DNAJC3: variants seen among roughly 807,000 people sequenced by gnomAD.
DNAJC3 encodes dnaJ homolog subfamily C member 3.
A neutral mutation model predicts 68.6 loss-of-function variants in DNAJC3; 38 were observed. That is an observed-to-expected ratio of 0.55 (90% CI 0.43 to 0.73). DNAJC3 has a LOEUF of 0.73. Among genes scored for constraint, DNAJC3 ranks in the 30% least tolerant of loss-of-function variants. The pLI is 0.00. For synonymous variants in DNAJC3, 203 were observed against 204.0 expected, an observed-to-expected ratio of 1.00 and a Z score of 0.04; for missense variants, 526 against 591.9, an observed-to-expected ratio of 0.89 and a Z score of 1.16.
chr13:95,787,239 G>A, intron 11 of DNAJC3, 84 bp downstream of exon 11: 5 of 1,516,138 alleles, frequency 3.3e-6, no homozygotes, highest in Non-Finnish European at 4.4e-6. Flanking sequence ...TCTCCACGTG[G>A]GGCTGTATAG....
Position 95,746,077 on chromosome 13 carries a change from G to A in DNAJC3, c.394-11567G>A, listed in dbSNP as rs141580610. Among the ~76,000 whole-genome samples the A allele has an allele frequency of 4.6e-5, 7 of 152,302 alleles. No individual in the cohort carries two copies. The South Asian group carries it at 8.3e-4, about 18-fold the overall frequency. The stretch of plus-strand genomic sequence containing the variant: ...GATTACACCAGTAGTTGGCAAGTAG[G>A]TTTTAGATTCCAGGGCCTGCACTCT... On this transcript the variant is annotated intron_variant, in intron 4 of 11. Coordinates refer to ENST00000602402, the MANE Select transcript of DNAJC3 (RefSeq NM_006260.5).
intron 9 of DNAJC3, among the ~76,000 whole-genome samples, chr13:95,784,479 T>C (rs904809662): frequency 1.3e-5 from 2 of 152,186 alleles, no homozygotes; most frequent in African/African-American, 4.8e-5. Flanking sequence ...AATTCTACAA[T>C]GTGTGAAATG....
chr13:95,766,411 GA>G (rs1389867616), intron 9 of DNAJC3, among the ~76,000 whole-genome samples: 4 of 152,068 alleles, frequency 2.6e-5, no homozygotes, highest in African/African-American at 9.7e-5. Context: ...CTTTTGAGAG[GA>G]AAAAACTGAC....
intron 2 of DNAJC3, among the ~76,000 whole-genome samples, chr13:95,714,636 G>A (rs1224801716): frequency 6.6e-6 from 1 of 152,140 alleles, no homozygotes; most frequent in Non-Finnish European, 1.5e-5. Flanking sequence ...TTCATTAAGG[G>A]CTGTTTACTG....
intron 9 of DNAJC3, among the ~76,000 whole-genome samples, chr13:95,764,702 AT>A (rs1882935487): frequency 2.2e-5 from 3 of 135,782 alleles, no homozygotes; most frequent in African/African-American, 8.8e-5. Flanking sequence ...ACACATATAT[AT>A]ATACATATAT....
chr13:95,704,851 G>GTGTTTTTTTTTTTTTTTTT (rs1555323371), intron 1 of DNAJC3, among the ~76,000 whole-genome samples: 12 of 97,858 alleles, frequency 1.2e-4, no homozygotes, highest in African/African-American at 5.4e-4. Flanking sequence ...GTGTGTGTGT[G>GTGTTTTTTTTTTTTTTTTT]TTTTTTTTTT....
At chr13:95,758,977 C>T (rs1205504257) in intron 5 of DNAJC3, among the ~76,000 whole-genome samples, 1 of 152,010 alleles carries the variant, frequency 6.6e-6, no homozygotes, top group African/African-American at 2.4e-5. Context: ...TTTTACATTC[C>T]CATAGACTAT....
At chr13:95,698,659 G>A (rs895768973) in intron 1 of DNAJC3, among the ~76,000 whole-genome samples, 4 of 152,198 alleles carry the variant, frequency 2.6e-5, no homozygotes, top group Non-Finnish European at 4.4e-5. Context: ...TGCCTGTCAT[G>A]CAGTTCTCCT....
At chr13:95,729,684 T>G (rs1325686528) in intron 4 of DNAJC3, among the ~76,000 whole-genome samples, 1 of 152,176 alleles carries the variant, frequency 6.6e-6, no homozygotes, top group Non-Finnish European at 1.5e-5. Context: ...ATTTTTTGTC[T>G]TTTTATAGTA....
At chr13:95,783,774 AG>A (rs1234076885) in intron 9 of DNAJC3, among the ~76,000 whole-genome samples, 2 of 152,216 alleles carry the variant, frequency 1.3e-5, no homozygotes, top group African/African-American at 2.4e-5. Flanking sequence ...AGCTAAAGAC[AG>A]GGGGTCCTTG....
intron 4 of DNAJC3, among the ~76,000 whole-genome samples, chr13:95,748,907 A>T (rs1332376045): frequency 6.6e-6 from 1 of 152,236 alleles, no homozygotes; most frequent in East Asian, 1.9e-4. Context: ...TGGTACTTTT[A>T]AGTCATAAAG....
At chr13:95,700,601 G>C (rs934650474) in intron 1 of DNAJC3, among the ~76,000 whole-genome samples, 1 of 152,226 alleles carries the variant, frequency 6.6e-6, no homozygotes, top group African/African-American at 2.4e-5. Context: ...GCAAGGTAAA[G>C]TGAATTCCAA....
At chr13:95,713,301 T>A (rs1203034896) in intron 2 of DNAJC3, among the ~76,000 whole-genome samples, 1 of 152,170 alleles carries the variant, frequency 6.6e-6, no homozygotes, top group Admixed American at 6.5e-5. Context: ...ATCTGCAGAC[T>A]ATCATAACTG....
chr13:95,719,368 T>G (rs984601612), intron 2 of DNAJC3, among the ~76,000 whole-genome samples: 1 of 152,212 alleles, frequency 6.6e-6, no homozygotes, highest in Non-Finnish European at 1.5e-5. Context: ...GGTAACCAAC[T>G]CAACCTTCAA....
At chr13:95,679,147 C>G (rs1208923939) in intron 1 of DNAJC3, among the ~76,000 whole-genome samples, 1 of 144,528 alleles carries the variant, frequency 6.9e-6, no homozygotes, top group African/African-American at 2.8e-5. Flanking sequence ...TTGACAACAT[C>G]ATGTGAGTCC....
At chr13:95,707,959 A>G (rs1164583258) in intron 1 of DNAJC3, among the ~76,000 whole-genome samples, 2 of 152,166 alleles carry the variant, frequency 1.3e-5, no homozygotes, top group African/African-American at 4.8e-5. Context: ...TAGCCTGTCT[A>G]CGAAGGGAGT....
At chr13:95,742,551 C>CT (rs1465551996) in intron 4 of DNAJC3, 1 of 432,784 alleles carries the variant, frequency 2.3e-6, no homozygotes, top group Non-Finnish European at 4.5e-6. Context: ...CACTTACTTA[C>CT]TTTTTCCCCA....
chr13:95,708,218 A>G lies in DNAJC3; in HGVS notation c.83-1009A>G, dbSNP rs544286773. On this transcript the variant is annotated intron_variant, in intron 1 of 11. Transcript: ENST00000602402. ...CTTCAGTGCCCTGTACTGACAAAGC[A>G]TAACATTGTACTCACTGTAAAGAGG... Among the ~76,000 whole-genome samples, 240 of 152,354 alleles carry G rather than the reference A, an allele frequency of 1.6e-3. 3 individuals are homozygous for G. Among genetic ancestry groups the G allele is most frequent in the African/African-American group, 5.6e-3 (233 of 41,584 alleles).
chr13:95,725,451 C>G (rs1468883330), intron 4 of DNAJC3, among the ~76,000 whole-genome samples, 199 bp downstream of exon 4: 1 of 152,050 alleles, frequency 6.6e-6, no homozygotes, highest in Admixed American at 6.6e-5. Flanking sequence ...TCAAAGAATC[C>G]TGTTAACAGT....
Sources: gnomAD v4.1 joint callset for allele counts (sites outside exome capture counted in the v4.1 genomes callset) on GRCh38, gnomAD v4.1.1 for gene constraint, MANE v1.5 for transcripts, NCBI Gene and HGNC (gene_info 2026-07-23, HGNC 2026-07-21) for gene names.